The following ZCCHC7 variants were observed in gnomAD, a reference collection of about 807,000 sequenced individuals.
The protein encoded by ZCCHC7 is zinc finger CCHC-type containing 7, also known as zinc finger CCHC domain-containing protein 7.
ZCCHC7 carries 35 observed loss-of-function variants against 52.0 expected under a neutral mutation model. The ratio of observed to expected loss-of-function variants is 0.67; its 90% CI spans 0.51 to 0.89. The LOEUF (loss-of-function observed/expected upper bound fraction) is 0.89. Ranked by LOEUF, ZCCHC7 falls within the 40% of genes least tolerant of loss-of-function variation. ZCCHC7 has a pLI of 0.00. For missense variants in ZCCHC7, 574 were observed against 649.1 expected (o/e 0.88, Z 1.26); for synonymous variants, 217 against 221.5 (o/e 0.98, Z 0.18).
chr9:37,126,746 G>A lies in ZCCHC7; in HGVS notation c.414G>A (p.Glu138=). Residue 138 remains glutamate, a synonymous_variant, in exon 2 of 9, where the codon GAG becomes GAA. Transcript: ENST00000336755. ...ATAAGAAATGCAAGAGTGATATTGA[G>A]AAGCCTAAATCTGAAGAGAGATCAG... The part of the protein sequence containing the change: ...LVDKKCKSDI[E]KPKSEERSGV... The A allele has an allele frequency of 6.2e-7, 1 of 1,614,128 alleles. No individual in the cohort carries two copies. The highest frequency in any genetic ancestry group is 1.1e-5 in the South Asian group (1 of 91,078).
intron 2 of ZCCHC7, among the ~76,000 whole-genome samples, chr9:37,166,784 TG>T (rs1268994218): frequency 1.3e-5 from 2 of 152,178 alleles, no homozygotes; most frequent in African/African-American, 2.4e-5. Flanking sequence ...TGATTTCCTT[TG>T]TGATTTCTCC....
At chr9:37,159,025 A>G (rs1820955764) in intron 2 of ZCCHC7, among the ~76,000 whole-genome samples, 1 of 148,530 alleles carries the variant, frequency 6.7e-6, no homozygotes, top group Non-Finnish European at 1.5e-5. Flanking sequence ...GTATTAAATC[A>G]TTGGCTTGTC....
chr9:37,271,210 A>G (rs951039938), intron 2 of ZCCHC7, among the ~76,000 whole-genome samples: 1 of 152,242 alleles, frequency 6.6e-6, no homozygotes. Context: ...TCTAATCTAC[A>G]TATAATCAGG....
intron 2 of ZCCHC7, among the ~76,000 whole-genome samples, chr9:37,136,275 TAAAG>T (rs962680982): frequency 6.6e-6 from 1 of 152,188 alleles, no homozygotes; most frequent in African/African-American, 2.4e-5. Context: ...ATTAAAGTCA[TAAAG>T]AAAAATGAGA....
intron 7 of ZCCHC7, among the ~76,000 whole-genome samples, chr9:37,351,271 A>G (rs1821362303): frequency 1.3e-5 from 2 of 152,054 alleles, no homozygotes; most frequent in Admixed American, 1.3e-4. Flanking sequence ...CTTTGGTCCC[A>G]TTTCTTTATC....
intron 2 of ZCCHC7, among the ~76,000 whole-genome samples, chr9:37,175,612 C>T (rs775991680): frequency 3.2e-4 from 48 of 151,962 alleles, no homozygotes; most frequent in Non-Finnish European, 5.3e-4. Flanking sequence ...TGGTGCTCGC[C>T]TGTAATCCCA....
chr9:37,269,618 C>CAAAAAAAAAAAAAAAAAA (rs1170865355), intron 2 of ZCCHC7, among the ~76,000 whole-genome samples: 37 of 27,232 alleles, frequency 1.4e-3, no homozygotes, highest in Non-Finnish European at 2.4e-3. Flanking sequence ...GACTCTGTCT[C>CAAAAAAAAAAAAAAAAAA]AAAAAAAAAA....
chr9:37,326,429 T>G (rs531308116), intron 5 of ZCCHC7, among the ~76,000 whole-genome samples: 1 of 151,628 alleles, frequency 6.6e-6, no homozygotes, highest in African/African-American at 2.4e-5. Flanking sequence ...AGGAATTTGA[T>G]ATTAAAACTG....
intron 2 of ZCCHC7, among the ~76,000 whole-genome samples, chr9:37,267,938 C>G (rs983764678): frequency 6.6e-6 from 1 of 151,990 alleles, no homozygotes; most frequent in African/African-American, 2.4e-5. Flanking sequence ...CTCCTGGGCT[C>G]GAGGGATCCT....
chr9:37,235,001 T>G (rs1423050524), intron 2 of ZCCHC7, among the ~76,000 whole-genome samples: 1 of 152,220 alleles, frequency 6.6e-6, no homozygotes, highest in African/African-American at 2.4e-5. Flanking sequence ...CAGTATGATG[T>G]TTCAATACAT....
At chr9:37,170,848 TAA>T (rs1056334926) in intron 2 of ZCCHC7, among the ~76,000 whole-genome samples, 3 of 152,148 alleles carry the variant, frequency 2.0e-5, no homozygotes, top group Non-Finnish European at 4.4e-5. Context: ...TCTGGGGTGA[TAA>T]AATGGTGCTA....
Position 37,160,694 on chromosome 9 carries a change from C to T in ZCCHC7, c.610+33752C>T, listed in dbSNP as rs556616130. Among the ~76,000 whole-genome samples the T allele has an allele frequency of 8.6e-5, 13 of 151,928 alleles. No homozygotes were observed. The East Asian group carries it at 1.6e-3, about 18-fold the overall frequency. ...TGAGGTCAGGAGTTCAAGACCAGCC[C>T]GGCCAATGTGTTGAAACCCCGTCTG... On this transcript the variant is annotated intron_variant, in intron 2 of 8. Transcript: ENST00000336755.
chr9:37,157,960 C>T (rs567167860), intron 2 of ZCCHC7, among the ~76,000 whole-genome samples: 2 of 152,306 alleles, frequency 1.3e-5, no homozygotes, highest in East Asian at 3.9e-4. Flanking sequence ...AAAGGAAATG[C>T]AACTACTGTC....
intron 2 of ZCCHC7, among the ~76,000 whole-genome samples, chr9:37,173,983 A>G (rs932909237): frequency 6.6e-6 from 1 of 152,172 alleles, no homozygotes; most frequent in African/African-American, 2.4e-5. Context: ...CAATTGTACA[A>G]TGTAGAAAAT....
At chr9:37,183,623 G>GT (rs1158235188) in intron 2 of ZCCHC7, among the ~76,000 whole-genome samples, 9 of 152,180 alleles carry the variant, frequency 5.9e-5, no homozygotes, top group African/African-American at 2.2e-4. Flanking sequence ...CAAACTAACA[G>GT]TTAATTTGCT....
rs765837750 is a variant in ZCCHC7 at position 37,354,677 on chromosome 9, A to G, written c.1084-33A>G. On this transcript the variant is annotated intron_variant, in intron 7 of 8. Coordinates refer to ENST00000336755, the MANE Select transcript of ZCCHC7 (RefSeq NM_032226.3). This position sits in a 1 kb window ranked among gnomAD's most constrained non-coding sequence, Gnocchi z 4.0. Reference sequence around the variant, plus strand: ...AAAAAGGTTTTTGAACAGTGTGACCATGTGACATCATAATTTTACATACAA... The same window carrying G: ...AAAAAGGTTTTTGAACAGTGTGACCGTGTGACATCATAATTTTACATACAA... 2.7e-6 allele frequency: 4 copies of G among 1,502,310 alleles called. No individual in the cohort carries two copies. Among genetic ancestry groups the G allele is most frequent in the Admixed American group, 1.7e-5 (1 of 58,560 alleles). The allele number at this position is 1,502,310 out of a possible 1,614,324, so 93.1% of individuals were successfully genotyped here.
At chr9:37,173,732 C>T (rs182603365) in intron 2 of ZCCHC7, among the ~76,000 whole-genome samples, 4 of 152,262 alleles carry the variant, frequency 2.6e-5, no homozygotes, top group Admixed American at 2.6e-4. Flanking sequence ...TTCTGATTAA[C>T]AGCAACTGGC....
At chr9:37,176,616 AAT>A (rs1319118399) in intron 2 of ZCCHC7, among the ~76,000 whole-genome samples, 11 of 151,898 alleles carry the variant, frequency 7.2e-5, no homozygotes, top group Admixed American at 4.6e-4. Context: ...CATATATTAA[AAT>A]ATATGCATAA....
At chr9:37,326,664 T>C (rs1166531189) in intron 5 of ZCCHC7, among the ~76,000 whole-genome samples, 1 of 150,384 alleles carries the variant, frequency 6.6e-6, no homozygotes, top group East Asian at 1.9e-4. Context: ...TTCAAATGTT[T>C]CTTAAATTAT....
Sources: allele counts gnomAD v4.1 joint callset (sites outside exome capture counted in the v4.1 genomes callset), GRCh38; gene constraint gnomAD v4.1.1; non-coding constraint Gnocchi (gnomAD v3.1); transcripts MANE v1.5; gene names NCBI Gene and HGNC (gene_info 2026-07-23, HGNC 2026-07-21).